SLC24A3: variants seen among roughly 807,000 people sequenced by gnomAD.
SLC24A3 encodes the protein solute carrier family 24 member 3.
Under a neutral mutation model 75.8 loss-of-function variants are expected in SLC24A3, and 28 were observed. The observed-to-expected ratio is 0.37, with a 90% CI of 0.27 to 0.51. The LOEUF (loss-of-function observed/expected upper bound fraction) is 0.51, where lower values mean the gene tolerates loss of function less well. Among genes scored for constraint, SLC24A3 ranks in the 20% least tolerant of loss-of-function variants. The pLI is 0.94. For synonymous variants in SLC24A3, 372 were observed against 334.1 expected, an observed-to-expected ratio of 1.11 and a Z score of -1.24; for missense variants, 663 against 847.8, an observed-to-expected ratio of 0.78 and a Z score of 2.71.
chr20:19,325,988 A>T (rs925973986), intron 2 of SLC24A3, among the ~76,000 whole-genome samples: 10 of 151,938 alleles, frequency 6.6e-5, no homozygotes, highest in African/African-American at 2.2e-4. Flanking sequence ...AACCAGTCAC[A>T]TGAGGTCAGG....
intron 1 of SLC24A3, among the ~76,000 whole-genome samples, chr20:19,219,975 A>G (rs918118596): frequency 6.6e-6 from 1 of 152,202 alleles, no homozygotes; most frequent in Non-Finnish European, 1.5e-5. Flanking sequence ...ATTTAATGCA[A>G]TTGACATGTA....
At chr20:19,435,528 G>A (rs990555564) in intron 2 of SLC24A3, among the ~76,000 whole-genome samples, 2 of 152,226 alleles carry the variant, frequency 1.3e-5, no homozygotes, top group Admixed American at 6.5e-5. Context: ...TACTTGGCTA[G>A]ATGATGTGCT....
chr20:19,325,821 G>T (rs1226629253), intron 2 of SLC24A3, among the ~76,000 whole-genome samples: 2 of 111,370 alleles, frequency 1.8e-5, no homozygotes, highest in African/African-American at 1.0e-4. Flanking sequence ...GAGAGAGAGA[G>T]AGAGAGAGAG....
intron 6 of SLC24A3, among the ~76,000 whole-genome samples, chr20:19,646,652 G>C (rs962123251): frequency 1.3e-5 from 2 of 152,278 alleles, no homozygotes; most frequent in Admixed American, 1.3e-4. Context: ...GTGGGCACAC[G>C]TGGTAGCCAG....
intron 2 of SLC24A3, among the ~76,000 whole-genome samples, chr20:19,299,492 A>G (rs114169452): frequency 3.3e-5 from 5 of 152,200 alleles, no homozygotes; most frequent in African/African-American, 1.2e-4. Context: ...AAATTTTTTT[A>G]AAAAAGAGAG....
chr20:19,711,775 A>G (rs1600353204), intron 15 of SLC24A3, among the ~76,000 whole-genome samples: 1 of 151,562 alleles, frequency 6.6e-6, no homozygotes, highest in Admixed American at 6.6e-5. Flanking sequence ...AAGTAGCTGG[A>G]ACTACAGGTA....
intron 1 of SLC24A3, among the ~76,000 whole-genome samples, chr20:19,265,529 T>A (rs996827250): frequency 2.6e-5 from 4 of 152,198 alleles, no homozygotes; most frequent in Non-Finnish European, 5.9e-5. Context: ...GGGATTTTTT[T>A]AAAAAGTAGA....
At chr20:19,367,379 C>T (rs1281030800) in intron 2 of SLC24A3, among the ~76,000 whole-genome samples, 1 of 152,034 alleles carries the variant, frequency 6.6e-6, no homozygotes, top group African/African-American at 2.4e-5. Flanking sequence ...CAAAGATAAC[C>T]GAGGCTTGAA....
intron 6 of SLC24A3, among the ~76,000 whole-genome samples, chr20:19,639,895 GGGCCGGCAGGGCCGGCT>G (rs2032052947): frequency 6.6e-6 from 1 of 152,396 alleles, no homozygotes; most frequent in South Asian, 2.1e-4. Context: ...CTCATTACCT[GGGCCGGCAGGGCCGGCT>G]GGCCGGCTGC....
chr20:19,445,833 A>G (rs1987373620), intron 2 of SLC24A3, among the ~76,000 whole-genome samples: 1 of 152,196 alleles, frequency 6.6e-6, no homozygotes, highest in Non-Finnish European at 1.5e-5. Context: ...TGGGCAGTCC[A>G]CCAACGACAT....
intron 2 of SLC24A3, among the ~76,000 whole-genome samples, chr20:19,400,990 T>C (rs559737366): frequency 6.6e-6 from 1 of 152,330 alleles, no homozygotes; most frequent in South Asian, 2.1e-4. Context: ...CCAGTTCCTC[T>C]ATTTTCTCAA....
chr20:19,367,696 AG>A (rs970244088), intron 2 of SLC24A3, among the ~76,000 whole-genome samples: 6 of 152,302 alleles, frequency 3.9e-5, no homozygotes, highest in African/African-American at 1.4e-4. Context: ...AATGAGCATT[AG>A]TTAATTTCTT....
chr20:19,563,424 G>A (rs2030908129), intron 3 of SLC24A3, among the ~76,000 whole-genome samples: 1 of 152,168 alleles, frequency 6.6e-6, no homozygotes, highest in South Asian at 2.1e-4. Flanking sequence ...GAGATATTTT[G>A]CAGAATTGTT....
At chr20:19,525,290 C>A (rs944597220) in intron 3 of SLC24A3, among the ~76,000 whole-genome samples, 1 of 152,132 alleles carries the variant, frequency 6.6e-6, no homozygotes. Context: ...AGGACCCACA[C>A]CAGAAGAGCT....
At chr20:19,438,876 A>G (rs562047195) in intron 2 of SLC24A3, among the ~76,000 whole-genome samples, 5 of 152,286 alleles carry the variant, frequency 3.3e-5, no homozygotes, top group Admixed American at 1.3e-4. Context: ...GGTAGGCAAT[A>G]TAGACAGCAA....
At chr20:19,389,395 A>G (rs902624883) in intron 2 of SLC24A3, among the ~76,000 whole-genome samples, 1 of 152,164 alleles carries the variant, frequency 6.6e-6, no homozygotes, top group African/African-American at 2.4e-5. Flanking sequence ...TTCTTATAAT[A>G]CAAATCTAGT....
At chr20:19,629,274 C>A (rs540655459) in intron 6 of SLC24A3, among the ~76,000 whole-genome samples, 1 of 151,972 alleles carries the variant, frequency 6.6e-6, no homozygotes, top group Admixed American at 6.6e-5. Context: ...AAAAATTCAC[C>A]AGAAGGGATC....
At chr20:19,560,795 C>T (rs2030862414) in intron 3 of SLC24A3, among the ~76,000 whole-genome samples, 1 of 152,210 alleles carries the variant, frequency 6.6e-6, no homozygotes, top group African/African-American at 2.4e-5. Flanking sequence ...AGGAGCATGA[C>T]TTTCATCCTT....
At chr20:19,237,555 C>A (rs1043831011) in intron 1 of SLC24A3, among the ~76,000 whole-genome samples, 1 of 152,182 alleles carries the variant, frequency 6.6e-6, no homozygotes, top group African/African-American at 2.4e-5. Flanking sequence ...GGTCCAGTCT[C>A]TCTGAGACAA....
Sources: gnomAD v4.1 joint callset for allele counts (sites outside exome capture counted in the v4.1 genomes callset) on GRCh38, gnomAD v4.1.1 for gene constraint, MANE v1.5 for transcripts, NCBI Gene and HGNC (gene_info 2026-07-23, HGNC 2026-07-21) for gene names.